Variants in SAE1 observed in about 807,000 individuals in gnomAD.
SAE1 encodes the protein SUMO-activating enzyme subunit 1.
In SAE1, 11 loss-of-function variants were observed where a neutral mutation model predicts 40.6. The ratio of observed to expected loss-of-function variants is 0.27; its 90% confidence interval spans 0.17 to 0.45. The LOEUF (loss-of-function observed/expected upper bound fraction) is 0.45, where lower values mean the gene tolerates loss of function less well. SAE1 is among the 20% of genes least tolerant of loss of function. SAE1 has a pLI of 1.00. For synonymous variants in SAE1, 155 were observed against 154.3 expected (o/e 1.00, Z -0.03); for missense variants, 373 against 427.3 (o/e 0.87, Z 1.12).
chr19:47,165,367 G>A (rs2058386282), intron 5 of SAE1, among the ~76,000 whole-genome samples: 1 of 152,138 alleles, frequency 6.6e-6, no homozygotes, highest in Non-Finnish European at 1.5e-5. Context: ...TGGGATTATA[G>A]GTGTGAGCCA....
chr19:47,209,433 G>A lies in SAE1; in HGVS notation c.*182G>A, dbSNP rs997706972. The A allele has an allele frequency of 4.9e-5, 51 of 1,042,520 alleles. No individual in the cohort carries two copies. The highest frequency in any genetic ancestry group is 6.2e-4 in the Middle Eastern group (2 of 3,248). The allele number at this position is 1,042,520 out of a possible 1,614,324, so 64.6% of individuals were successfully genotyped here. On this transcript the variant is annotated 3_prime_UTR_variant, in exon 9 of 9. Coordinates refer to ENST00000270225, the MANE Select transcript of SAE1 (RefSeq NM_005500.3). ...TGCTTCCCATCACCAGCAGCTGCTC[G>A]ACAAGGGGCGCAGGGTGGCTGTCTT...
At chr19:47,190,651 G>C (rs1600204904) in intron 6 of SAE1, among the ~76,000 whole-genome samples, 1 of 152,150 alleles carries the variant, frequency 6.6e-6, no homozygotes, top group South Asian at 2.1e-4. Flanking sequence ...GCCGGCCCTC[G>C]TCCAGCCAAA....
chr19:47,204,741 C>T (rs1407703492), intron 8 of SAE1, among the ~76,000 whole-genome samples: 2 of 151,984 alleles, frequency 1.3e-5, no homozygotes, highest in Non-Finnish European at 2.9e-5. Context: ...TGTGATCCTC[C>T]CACCTCAGCC....
chr19:47,167,598 G>A (rs747025709), intron 5 of SAE1, among the ~76,000 whole-genome samples: 11 of 152,068 alleles, frequency 7.2e-5, no homozygotes, highest in Non-Finnish European at 1.3e-4. Flanking sequence ...TTTGTAAACT[G>A]CCTGGTAACT....
rs1215890220 is a variant in SAE1 at position 47,147,790 on chromosome 19, G to A, written c.211-2412G>A. 1.6e-4 allele frequency among the ~76,000 whole-genome samples: 23 copies of A among 140,086 alleles called. No homozygotes were observed. The Admixed American group carries it at 1.7e-3, about 10-fold the overall frequency. 91.9% of individuals were successfully genotyped at this position (140,086 alleles called of 152,430 possible). ...TTTTTTTTTTTTGAGACAGAGTCTC[G>A]CTCTGTTGCCCAGGCTGGAGTGCAG... is the stretch of plus-strand genomic sequence containing the variant. On this transcript the variant is annotated intron_variant, in intron 2 of 8. Coordinates refer to ENST00000270225, the MANE Select transcript of SAE1 (RefSeq NM_005500.3).
At position 47,180,440 on chromosome 19, in the gene SAE1, A is replaced by C. The variant is rs367851923; in HGVS notation, c.733+10517A>C. On this transcript the variant is annotated intron_variant, in intron 6 of 8. Transcript: ENST00000270225. ...AAGATAACAAAGTCTATCTTTGACT[A>C]TCACCATAGTAGTAACAATTGTTTC... 7.2e-5 allele frequency: 26 copies of C among 362,856 alleles called. No individual in the cohort carries two copies. The East Asian group carries it at 1.4e-3, about 19-fold the overall frequency. 22.5% of individuals were successfully genotyped at this position (362,856 alleles called of 1,614,324 possible).
intron 6 of SAE1, among the ~76,000 whole-genome samples, chr19:47,182,499 G>A (rs751878501): frequency 1.9e-4 from 28 of 148,278 alleles, no homozygotes; most frequent in Non-Finnish European, 3.7e-4. Context: ...GTGTGTGTGC[G>A]CGCACGCACG....
chr19:47,189,245 A>G (rs2058563740), intron 6 of SAE1, among the ~76,000 whole-genome samples: 1 of 152,142 alleles, frequency 6.6e-6, no homozygotes. Flanking sequence ...TTCCAGAGAT[A>G]GCGACTCTCC....
At chr19:47,170,503 C>CTTTTTTTTTTTTTTTTTT (rs34836827) in intron 6 of SAE1, among the ~76,000 whole-genome samples, 1 of 83,910 alleles carries the variant, frequency 1.2e-5, no homozygotes, top group Non-Finnish European at 2.2e-5. Flanking sequence ...CGCCCCCCGC[C>CTTTTTTTTTTTTTTTTTT]TTTTTTTTTT....
chr19:47,148,078 T>C (rs1024681579), intron 2 of SAE1, among the ~76,000 whole-genome samples: 1 of 152,102 alleles, frequency 6.6e-6, no homozygotes, highest in Non-Finnish European at 1.5e-5. Context: ...TACGTTTTTA[T>C]CCATGTCCTC....
Position 47,197,318 on chromosome 19 carries a change from A to G in SAE1, c.819A>G (p.Arg273=), listed in dbSNP as rs769600121. 6.2e-7 allele frequency: 1 copy of G among 1,614,146 alleles called. No individual in the cohort carries two copies. Among genetic ancestry groups the G allele is most frequent in the African/African-American group, 1.3e-5 (1 of 75,070 alleles). The part of the protein sequence containing the change: ...EEDSELLLQI[R]NDVLDSLGIS... The stretch of plus-strand genomic sequence containing the variant: ...ATTCTGAGTTGTTGCTCCAGATACG[A>G]AATGATGTGCTTGACTCACTGGGTA... Residue 273 remains arginine (R), a synonymous_variant, in exon 7 of 9, where the codon CGA becomes CGG. Coordinates refer to ENST00000270225, the MANE Select transcript of SAE1 (RefSeq NM_005500.3).
At chr19:47,181,486 T>C (rs1479057698) in intron 6 of SAE1, among the ~76,000 whole-genome samples, 2 of 138,756 alleles carry the variant, frequency 1.4e-5, no homozygotes, top group African/African-American at 5.4e-5. Context: ...CTTTTTTTTT[T>C]TTTTTTTTTT....
At chr19:47,182,464 A>AGTGTGTGTGTGTGTGT (rs113149127) in intron 6 of SAE1, among the ~76,000 whole-genome samples, 35 of 144,450 alleles carry the variant, frequency 2.4e-4, no homozygotes, top group South Asian at 9.2e-4. Context: ...AAAAAAGCGT[A>AGTGTGTGTGTGTGTGT]GTGTGTGTGT....
chr19:47,190,502 TGACCTTCGA>T, intron 6 of SAE1, among the ~76,000 whole-genome samples: 1 of 152,304 alleles, frequency 6.6e-6, no homozygotes, highest in Middle Eastern at 3.4e-3. Context: ...AACTGGAGTC[TGACCTTCGA>T]GAAAGAGTGA....
At chr19:47,150,059 A>G (rs1169245132) in intron 2 of SAE1, 143 bp from the exon 3 acceptor site, 2 of 479,270 alleles carry the variant, frequency 4.2e-6, no homozygotes, top group South Asian at 3.5e-5. Context: ...GCCTGGTGAC[A>G]GAGCAAGACT....
intron 6 of SAE1, among the ~76,000 whole-genome samples, chr19:47,178,587 C>T (rs1366546678): frequency 6.6e-6 from 1 of 152,166 alleles, no homozygotes; most frequent in Non-Finnish European, 1.5e-5. Flanking sequence ...AATTCTCCTG[C>T]CTCAGCCTCC....
intron 6 of SAE1, among the ~76,000 whole-genome samples, chr19:47,183,418 C>T (rs1290922238): frequency 6.6e-6 from 1 of 152,164 alleles, no homozygotes; most frequent in African/African-American, 2.4e-5. Flanking sequence ...TGTGTTTAAG[C>T]ATCGCCCAAC....
At chr19:47,165,076 C>CTTTTT (rs769656956) in intron 5 of SAE1, among the ~76,000 whole-genome samples, 53 of 59,104 alleles carry the variant, frequency 9.0e-4, no homozygotes, top group South Asian at 2.3e-3. Flanking sequence ...TGAGCCAAGT[C>CTTTTT]TTTTTTTTTT....
chr19:47,152,188 G>A (rs1411495339), intron 3 of SAE1, among the ~76,000 whole-genome samples: 1 of 152,184 alleles, frequency 6.6e-6, no homozygotes, highest in Non-Finnish European at 1.5e-5. Context: ...AGCTTCTCCC[G>A]AAAAGATGGT....
Sources: allele counts gnomAD v4.1 joint callset (sites outside exome capture counted in the v4.1 genomes callset), GRCh38; gene constraint gnomAD v4.1.1; transcripts MANE v1.5; gene names NCBI Gene and HGNC (gene_info 2026-07-23, HGNC 2026-07-21).